The following CCDC102B variants were observed in gnomAD, a reference collection of about 807,000 sequenced individuals.
CCDC102B encodes the protein coiled-coil domain-containing protein 102B.
CCDC102B carries 75 observed loss-of-function variants against 57.4 expected under a neutral mutation model. That is an observed-to-expected ratio of 1.31 (90% confidence interval 1.08 to 1.58). The LOEUF (loss-of-function observed/expected upper bound fraction) is 1.58. Ranked by LOEUF, CCDC102B falls within the 40% of genes most tolerant of loss-of-function variation. The pLI is 0.00. For missense variants in CCDC102B, 636 were observed against 582.6 expected, an observed-to-expected ratio of 1.09 and a Z score of -0.94; for synonymous variants, 206 against 201.9, an observed-to-expected ratio of 1.02 and a Z score of -0.17.
exon 1 of CCDC102B, chr18:68,715,270 T>C (rs2031870366): frequency 7.7e-7 from 1 of 1,303,172 alleles, no homozygotes; most frequent in Non-Finnish European, 9.8e-7. Flanking sequence ...GTGGGAACCC[T>C]GCTTAAGGGC....
At chr18:69,020,032 T>G (rs929860693) in intron 7 of CCDC102B, among the ~76,000 whole-genome samples, 1 of 149,988 alleles carries the variant, frequency 6.7e-6, no homozygotes, top group Non-Finnish European at 1.5e-5. Flanking sequence ...GTGTTGAAAT[T>G]TTTTCCCCTG....
intron 2 of CCDC102B, among the ~76,000 whole-genome samples, chr18:68,730,233 C>A (rs1170945825): frequency 6.6e-6 from 1 of 152,010 alleles, no homozygotes; most frequent in Non-Finnish European, 1.5e-5. Context: ...TTCAGATCAT[C>A]ATTACAATAG....
At chr18:68,946,576 T>A (rs890935045) in intron 6 of CCDC102B, among the ~76,000 whole-genome samples, 2 of 152,018 alleles carry the variant, frequency 1.3e-5, no homozygotes, top group African/African-American at 4.8e-5. Context: ...AGACGAACAT[T>A]ATATGGCTAA....
chr18:68,837,309 G>A lies in CCDC102B; in HGVS notation c.546G>A (p.Glu182=). The change falls in exon 2 of 8, where the codon GAG becomes GAA. Residue 182 remains glutamate (E), a synonymous_variant. Transcript: ENST00000360242. ...DQFQLSSQMH[E]SIREYLVKRQ... is the part of the protein sequence containing the mutation. Reference sequence around the variant, plus strand: ...TTCAATTGAGTTCACAAATGCATGAGTCTATCAGAGAGTATTTGGTAAAAA... The same window carrying A: ...TTCAATTGAGTTCACAAATGCATGAATCTATCAGAGAGTATTTGGTAAAAA... The A allele has an allele frequency of 6.2e-7, 1 of 1,613,714 alleles. No homozygotes were observed. The highest frequency in any genetic ancestry group is 8.5e-7 in the Non-Finnish European group (1 of 1,179,798).
chr18:68,981,146 A>C (rs2050569662), intron 6 of CCDC102B, among the ~76,000 whole-genome samples: 1 of 152,072 alleles, frequency 6.6e-6, no homozygotes, highest in African/African-American at 2.4e-5. Flanking sequence ...AATACTAAAA[A>C]TATTTTGTGA....
intron 6 of CCDC102B, among the ~76,000 whole-genome samples, chr18:68,933,207 G>A (rs1350279613): frequency 6.6e-6 from 1 of 151,832 alleles, no homozygotes; most frequent in Admixed American, 6.6e-5. Flanking sequence ...ATTGGGTTTA[G>A]AACCAGGGCT....
At chr18:68,817,270 C>A (rs777186254) in intron 1 of CCDC102B, among the ~76,000 whole-genome samples, 5 of 152,178 alleles carry the variant, frequency 3.3e-5, no homozygotes, top group Non-Finnish European at 7.3e-5. Context: ...AGATTTCATA[C>A]AACAGAACTC....
At chr18:68,726,698 T>C (rs1011216801) in intron 2 of CCDC102B, among the ~76,000 whole-genome samples, 1 of 152,230 alleles carries the variant, frequency 6.6e-6, no homozygotes, top group African/African-American at 2.4e-5. Flanking sequence ...TCAAGGATTC[T>C]TGAATTCCTC....
intron 1 of CCDC102B, among the ~76,000 whole-genome samples, chr18:68,819,971 T>G (rs1322967803): frequency 6.6e-6 from 1 of 152,090 alleles, no homozygotes; most frequent in African/African-American, 2.4e-5. Flanking sequence ...TTTTAATAGT[T>G]TGTGAATTAT....
intron 2 of CCDC102B, among the ~76,000 whole-genome samples, chr18:68,781,587 T>C (rs372510133): frequency 2.0e-5 from 3 of 152,284 alleles, no homozygotes; most frequent in East Asian, 3.9e-4. Context: ...CTGTGTAATA[T>C]ATAGTTTAAC....
chr18:69,050,565 T>C (rs17080166), intron 7 of CCDC102B, among the ~76,000 whole-genome samples: 8,073 of 152,272 alleles, frequency 0.053, 732 homozygotes, highest in African/African-American at 0.18. Flanking sequence ...GGTTAGATAA[T>C]GTATGCTAAA....
chr18:68,954,769 AAGTGATTTTCAT>A, intron 6 of CCDC102B, among the ~76,000 whole-genome samples: 1 of 152,326 alleles, frequency 6.6e-6, no homozygotes, highest in Non-Finnish European at 1.5e-5. Context: ...TAAAATGCTC[AAGTGATTTTCAT>A]TGAATTGCTT....
intron 2 of CCDC102B, among the ~76,000 whole-genome samples, chr18:68,792,359 A>G (rs1424903744): frequency 6.6e-6 from 1 of 152,210 alleles, no homozygotes. Flanking sequence ...TAAGTAGTGG[A>G]TGCCAAAACA....
At chr18:68,807,428 A>G (rs562095481) in intron 1 of CCDC102B, among the ~76,000 whole-genome samples, 3 of 152,174 alleles carry the variant, frequency 2.0e-5, no homozygotes, top group Non-Finnish European at 4.4e-5. Context: ...AGGAAAAAAT[A>G]GAGTTTTTGA....
chr18:69,047,341 C>T (rs1488617652), intron 7 of CCDC102B, among the ~76,000 whole-genome samples: 2 of 152,096 alleles, frequency 1.3e-5, no homozygotes, highest in East Asian at 3.9e-4. Flanking sequence ...AATCCAATAT[C>T]CCTTCATCTT....
chr18:68,881,691 A>G (rs868063885), intron 5 of CCDC102B, among the ~76,000 whole-genome samples: 1 of 152,096 alleles, frequency 6.6e-6, no homozygotes. Flanking sequence ...TTGGACTGAA[A>G]CATCAGAACT....
intron 6 of CCDC102B, among the ~76,000 whole-genome samples, chr18:68,964,599 G>A (rs1365122464): frequency 6.6e-6 from 1 of 151,692 alleles, no homozygotes; most frequent in African/African-American, 2.4e-5. Context: ...TTGTCTGCAT[G>A]ACATTCTTTC....
intron 4 of CCDC102B, among the ~76,000 whole-genome samples, chr18:68,868,050 C>T (rs2039080736): frequency 1.3e-5 from 2 of 151,946 alleles, no homozygotes; most frequent in Admixed American, 1.3e-4. Context: ...TATTATTTCT[C>T]AATGATATTT....
intron 2 of CCDC102B, among the ~76,000 whole-genome samples, chr18:68,789,216 C>A (rs1375208234): frequency 6.6e-6 from 1 of 152,120 alleles, no homozygotes; most frequent in Non-Finnish European, 1.5e-5. Flanking sequence ...GTCTGATGGG[C>A]TTCCCTTTGA....
Sources: gnomAD v4.1 joint callset for allele counts (sites outside exome capture counted in the v4.1 genomes callset) on GRCh38, gnomAD v4.1.1 for gene constraint, MANE v1.5 for transcripts, NCBI Gene and HGNC (gene_info 2026-07-23, HGNC 2026-07-21) for gene names.